The following CNTNAP2 variants were observed in gnomAD, a reference collection of about 807,000 sequenced individuals.
CNTNAP2 encodes contactin-associated protein-like 2.
CNTNAP2 carries 98 observed loss-of-function variants against 155.2 expected under a neutral mutation model. That is an observed-to-expected ratio of 0.63 (90% CI 0.54 to 0.75). CNTNAP2 has a LOEUF of 0.75. Among genes scored for constraint, CNTNAP2 ranks in the 30% least tolerant of loss-of-function variants. The pLI is 0.00. For missense variants in CNTNAP2, 1,727 were observed against 1,688.1 expected, an observed-to-expected ratio of 1.02 and a Z score of -0.40; for synonymous variants, 651 against 631.2, an observed-to-expected ratio of 1.03 and a Z score of -0.47.
intron 16 of CNTNAP2, among the ~76,000 whole-genome samples, chr7:148,121,462 C>T (rs577907274): frequency 1.3e-5 from 2 of 152,300 alleles, no homozygotes; most frequent in East Asian, 1.9e-4. Context: ...ACAACAGTGG[C>T]GGGCTACCAG....
rs200695960 is a variant in CNTNAP2, at chr7:148,217,583, G to A, written c.3247+59G>A. ...ACATTTGGGCAGACAGAATGTTCTA[G>A]CAAGAGTCTATAGATTGTTCTTGGT... On this transcript the variant is annotated intron_variant, in intron 19 of 23. Coordinates refer to ENST00000361727, the MANE Select transcript of CNTNAP2 (RefSeq NM_014141.6). 9 of 1,537,354 alleles carry A rather than the reference G, an allele frequency of 5.9e-6. No individual in the cohort carries two copies. The East Asian group carries it at 1.8e-4, about 31-fold the overall frequency.
rs573749431 is a variant in CNTNAP2 at position 146,351,128 on chromosome 7, A to C, written c.97+234155A>C. On this transcript the variant is annotated intron_variant, in intron 1 of 23. Coordinates refer to ENST00000361727, the MANE Select transcript of CNTNAP2 (RefSeq NM_014141.6). ...ACACCAGCATGGCACATATATACAT[A>C]TGTAACAAACCTGCACATTGTGCAC... 2.6e-3 allele frequency among the ~76,000 whole-genome samples: 399 copies of C among 152,124 alleles called. 2 individuals carry two copies. Among genetic ancestry groups the C allele is most frequent in the African/African-American group, 9.2e-3 (382 of 41,472 alleles).
intron 1 of CNTNAP2, among the ~76,000 whole-genome samples, chr7:146,679,880 A>T (rs1585039524): frequency 6.6e-6 from 1 of 152,178 alleles, no homozygotes; most frequent in East Asian, 1.9e-4. Context: ...ATTATAAGAC[A>T]TTCTTTTTTT....
chr7:147,216,111 G>A (rs1159475512), intron 8 of CNTNAP2, among the ~76,000 whole-genome samples: 1 of 149,258 alleles, frequency 6.7e-6, no homozygotes, highest in East Asian at 1.9e-4. Flanking sequence ...TGTTTTGCAA[G>A]TATTAGTTCC....
chr7:147,376,421 GGGTTC>G (rs1344886940), intron 9 of CNTNAP2, among the ~76,000 whole-genome samples: 1 of 151,942 alleles, frequency 6.6e-6, no homozygotes, highest in Non-Finnish European at 1.5e-5. Context: ...CGAGGAAGTA[GGGTTC>G]ATATGTTTTG....
chr7:148,368,306 T>G (rs912081968), intron 21 of CNTNAP2, among the ~76,000 whole-genome samples: 1 of 152,160 alleles, frequency 6.6e-6, no homozygotes, highest in Non-Finnish European at 1.5e-5. Context: ...AGGTATTAAG[T>G]ATAATCTGCA....
At chr7:148,135,365 G>A (rs1804915225) in intron 16 of CNTNAP2, among the ~76,000 whole-genome samples, 1 of 152,184 alleles carries the variant, frequency 6.6e-6, no homozygotes, top group Non-Finnish European at 1.5e-5. Flanking sequence ...TTAACCCACA[G>A]TCCCTTGCTG....
intron 1 of CNTNAP2, among the ~76,000 whole-genome samples, chr7:146,328,515 CTGTGTG>C (rs36098013): frequency 6.1e-5 from 9 of 147,110 alleles, no homozygotes; most frequent in African/African-American, 1.0e-4. Flanking sequence ...ACTTAGCGAC[CTGTGTG>C]TGTGTGTGTG....
chr7:146,458,219 T>A (rs1796585812), intron 1 of CNTNAP2, among the ~76,000 whole-genome samples: 1 of 152,134 alleles, frequency 6.6e-6, no homozygotes. Context: ...GATAGGTTGA[T>A]CTGTGCAGCA....
At chr7:147,340,068 C>T (rs572947815) in intron 9 of CNTNAP2, among the ~76,000 whole-genome samples, 9 of 152,284 alleles carry the variant, frequency 5.9e-5, no homozygotes, top group East Asian at 1.9e-4. Context: ...CTTTCTGTTT[C>T]GCTTTGGCTA....
At chr7:147,660,088 C>A (rs962133316) in intron 13 of CNTNAP2, among the ~76,000 whole-genome samples, 1 of 152,150 alleles carries the variant, frequency 6.6e-6, no homozygotes, top group African/African-American at 2.4e-5. Flanking sequence ...TATTTAAGAG[C>A]TGTGCAAAGC....
At chr7:147,576,355 G>A (rs1800396452) in intron 12 of CNTNAP2, among the ~76,000 whole-genome samples, 1 of 152,072 alleles carries the variant, frequency 6.6e-6, no homozygotes, top group South Asian at 2.1e-4. Flanking sequence ...TAGAAGACAT[G>A]CGTTTATTAG....
At chr7:148,279,768 G>A (rs6977557) in intron 21 of CNTNAP2, among the ~76,000 whole-genome samples, 6,714 of 152,246 alleles carry the variant, frequency 0.044, 194 homozygotes, top group African/African-American at 0.08. Context: ...AAGTCATTCA[G>A]GTGTTGCATA....
chr7:146,197,588 A>G (rs1443104486), intron 1 of CNTNAP2, among the ~76,000 whole-genome samples: 1 of 152,190 alleles, frequency 6.6e-6, no homozygotes, highest in African/African-American at 2.4e-5. Flanking sequence ...ATTTGTTTCC[A>G]GATACAAGAG....
At chr7:146,958,407 G>GTTTT (rs71165054) in intron 3 of CNTNAP2, among the ~76,000 whole-genome samples, 152 of 78,048 alleles carry the variant, frequency 1.9e-3, no homozygotes, top group Non-Finnish European at 2.2e-3. Flanking sequence ...CATTTTTATG[G>GTTTT]TTTTTTTTTT....
intron 1 of CNTNAP2, among the ~76,000 whole-genome samples, chr7:146,587,562 CACAA>C (rs1798713178): frequency 1.3e-5 from 2 of 152,100 alleles, no homozygotes; most frequent in African/African-American, 2.4e-5. Context: ...GGAATACCAC[CACAA>C]ACACACACAT....
chr7:147,988,787 C>CA (rs1343046081), intron 15 of CNTNAP2, among the ~76,000 whole-genome samples: 1 of 152,158 alleles, frequency 6.6e-6, no homozygotes, highest in Non-Finnish European at 1.5e-5. Context: ...ACTCTCTGAC[C>CA]AATCTCTCAC....
At chr7:148,346,773 TAAAAAAAAAA>T (rs71188973) in intron 21 of CNTNAP2, among the ~76,000 whole-genome samples, 94,343 of 147,048 alleles carry the variant, frequency 0.64, 30,583 homozygotes, top group East Asian at 0.94. Context: ...ACTCCATCTT[TAAAAAAAAAA>T]AAAAAAAAAA....
chr7:146,965,246 G>A (rs1344154450), intron 3 of CNTNAP2, among the ~76,000 whole-genome samples: 1 of 152,070 alleles, frequency 6.6e-6, no homozygotes, highest in African/African-American at 2.4e-5. Context: ...GTAGAGAAGA[G>A]AGCATAATGG....
Sources: gnomAD v4.1 joint callset for allele counts (sites outside exome capture counted in the v4.1 genomes callset) on GRCh38, gnomAD v4.1.1 for gene constraint, MANE v1.5 for transcripts, NCBI Gene and HGNC (gene_info 2026-07-23, HGNC 2026-07-21) for gene names.